STON2: variants seen among roughly 807,000 people sequenced by gnomAD.
STON2 encodes stonin 2.
A neutral mutation model predicts 65.7 loss-of-function variants in STON2; 29 were observed. The observed-to-expected ratio is 0.44, with a 90% confidence interval of 0.33 to 0.60. The LOEUF (loss-of-function observed/expected upper bound fraction) is 0.60. STON2 is among the 20% of genes least tolerant of loss of function. The pLI, the probability that STON2 is intolerant of heterozygous loss-of-function variation, is 0.03. For synonymous variants in STON2, 404 were observed against 414.2 expected (o/e 0.98, Z 0.30); for missense variants, 1,054 against 1,118.1 (o/e 0.94, Z 0.82).
At chr14:81,302,384 T>C (rs908715831) in intron 5 of STON2, among the ~76,000 whole-genome samples, 1 of 152,222 alleles carries the variant, frequency 6.6e-6, no homozygotes, top group Non-Finnish European at 1.5e-5. Flanking sequence ...AAGTCTCACT[T>C]GGATCCAAGA....
rs908775524 is a variant in STON2 at position 81,347,729 on chromosome 14, C to A, written c.571+23259G>T. Among the ~76,000 whole-genome samples, 4 of 126,836 alleles carry A rather than the reference C, an allele frequency of 3.2e-5. No individual in the cohort carries two copies. The Admixed American group carries it at 3.2e-4, about 10-fold the overall frequency. 83.2% of individuals were successfully genotyped at this position (126,836 alleles called of 152,430 possible). A position where few individuals can be genotyped will look rare whatever the true frequency, so the allele number is the denominator to read the frequency against. Reference sequence around the variant, plus strand: ...ATCCAAAAACACTAAAAATGTGAGACCCCCTCCCCCTTCTCTATAAAATAT... The same window carrying A: ...ATCCAAAAACACTAAAAATGTGAGAACCCCTCCCCCTTCTCTATAAAATAT... On this transcript the variant is annotated intron_variant, in intron 4 of 7. Transcript: ENST00000614646.
chr14:81,278,071 C>A lies in STON2; in HGVS notation c.1411G>T (p.Ala471Ser). The A allele has an allele frequency of 6.2e-7, 1 of 1,614,170 alleles. No individual in the cohort carries two copies. The highest frequency in any genetic ancestry group is 1.1e-5 in the South Asian group (1 of 91,076). ...DDPVAWIELD[A>S]HPPGSARSQP... is the part of the protein sequence containing the mutation. ...GACCGTGCTGATCCAGGCGGGTGAGCATCTAGTTCAATCCAGGCTACTGGG... is the reference window on the plus strand; with the variant it reads ...GACCGTGCTGATCCAGGCGGGTGAGAATCTAGTTCAATCCAGGCTACTGGG... Residue 471 changes from alanine (A) to serine (S), a missense_variant, in exon 6 of 8, where the codon GCT becomes TCT. Transcript: ENST00000614646.
intron 7 of STON2, chr14:81,269,603 G>A: frequency 1.0e-6 from 1 of 985,246 alleles, no homozygotes; most frequent in Non-Finnish European, 1.2e-6. Flanking sequence ...TTTTTTCCTA[G>A]CCACAAGATG....
At chr14:81,364,802 A>G (rs1898647087) in intron 4 of STON2, among the ~76,000 whole-genome samples, 1 of 152,144 alleles carries the variant, frequency 6.6e-6, no homozygotes, top group South Asian at 2.1e-4. Context: ...ACTTTGGAAA[A>G]TGCTGGACTC....
At chr14:81,304,216 C>T (rs1896081905) in intron 5 of STON2, among the ~76,000 whole-genome samples, 1 of 152,156 alleles carries the variant, frequency 6.6e-6, no homozygotes, top group African/African-American at 2.4e-5. Flanking sequence ...CCCCCACACA[C>T]CTATTATGGA....
intron 4 of STON2, among the ~76,000 whole-genome samples, chr14:81,336,975 C>A (rs900795267): frequency 6.6e-6 from 1 of 152,122 alleles, no homozygotes; most frequent in Non-Finnish European, 1.5e-5. Flanking sequence ...GGGGAAGTTG[C>A]AGAACTTTCC....
intron 2 of STON2, among the ~76,000 whole-genome samples, chr14:81,423,723 G>A (rs774536970): frequency 3.9e-5 from 6 of 152,196 alleles, no homozygotes; most frequent in Non-Finnish European, 1.5e-5. Flanking sequence ...TCATGGGGCA[G>A]CTGCACAGGG....
At chr14:81,302,304 C>G (rs548792949) in intron 5 of STON2, among the ~76,000 whole-genome samples, 3 of 152,302 alleles carry the variant, frequency 2.0e-5, no homozygotes, top group African/African-American at 7.2e-5. Flanking sequence ...CTAAGAGAGA[C>G]AGTCTAATAA....
intron 5 of STON2, among the ~76,000 whole-genome samples, chr14:81,319,201 G>A (rs1395469217): frequency 2.0e-5 from 3 of 152,168 alleles, no homozygotes; most frequent in African/African-American, 7.2e-5. Flanking sequence ...TTGTAAAGCA[G>A]CATTATTGTA....
intron 3 of STON2, among the ~76,000 whole-genome samples, chr14:81,392,380 A>G (rs894264244): frequency 6.6e-6 from 1 of 152,134 alleles, no homozygotes; most frequent in African/African-American, 2.4e-5. Context: ...CCTCGCTGAG[A>G]GTCCCTGTTT....
intron 3 of STON2, among the ~76,000 whole-genome samples, chr14:81,371,415 G>T (rs1390453796): frequency 1.3e-5 from 2 of 152,104 alleles, no homozygotes; most frequent in Non-Finnish European, 2.9e-5. Context: ...TAAGGTCCTG[G>T]CTGGGTGCGG....
chr14:81,265,721 T>C lies in STON2; in HGVS notation c.*2693A>G, dbSNP rs1179821559. The C allele has an allele frequency of 1.4e-5, 12 of 885,106 alleles. No homozygotes were observed. In the Admixed American group the frequency reaches 1.9e-4, roughly 14 times the overall value. The allele number at this position is 885,106 out of a possible 1,614,324, so 54.8% of individuals were successfully genotyped here. On this transcript the variant is annotated 3_prime_UTR_variant, in exon 8 of 8. Transcript: ENST00000614646. ...ATAATAATAATTTGTTTGCAGAATA[T>C]AGATAGCATAGAAGGGATTTTTCCC...
At chr14:81,411,719 A>C (rs573094639) in intron 2 of STON2, among the ~76,000 whole-genome samples, 3 of 152,372 alleles carry the variant, frequency 2.0e-5, no homozygotes, top group Admixed American at 6.5e-5. Flanking sequence ...TCCGCCTAAA[A>C]AATAAATAAG....
chr14:81,346,340 G>A (rs889416298), intron 4 of STON2, among the ~76,000 whole-genome samples: 2 of 151,970 alleles, frequency 1.3e-5, no homozygotes, highest in African/African-American at 4.8e-5. Flanking sequence ...ATGAGAAGAC[G>A]GACTACAGGT....
Position 81,261,545 on chromosome 14 carries a change from A to G in STON2, c.*6869T>C. On this transcript the variant is annotated 3_prime_UTR_variant, in exon 8 of 8. Transcript: ENST00000614646. ...TGTTACTAAGAGACAACGAGGATAC[A>G]GAGGGGACTGTCCCTTTTCTCTCAT... 2.7e-6 allele frequency: 1 copy of G among 369,744 alleles called. No individual in the cohort carries two copies. Among genetic ancestry groups the G allele is most frequent in the Admixed American group, 4.5e-5 (1 of 22,098 alleles). The allele number at this position is 369,744 out of a possible 1,614,324, so 22.9% of individuals were successfully genotyped here. A position where few individuals can be genotyped will look rare whatever the true frequency, so the allele number is the denominator to read the frequency against.
chr14:81,410,063 T>C (rs1467622503), intron 2 of STON2, among the ~76,000 whole-genome samples: 1 of 152,104 alleles, frequency 6.6e-6, no homozygotes, highest in African/African-American at 2.4e-5. Flanking sequence ...ATTTTCTCTT[T>C]TTTCCCAACT....
intron 5 of STON2, among the ~76,000 whole-genome samples, chr14:81,309,305 TA>T (rs563399871): frequency 2.0e-5 from 3 of 151,796 alleles, no homozygotes; most frequent in African/African-American, 4.8e-5. Context: ...TCTGAACTAT[TA>T]AAAAAAAGAT....
At chr14:81,349,698 C>A (rs778725218) in intron 4 of STON2, among the ~76,000 whole-genome samples, 4 of 152,072 alleles carry the variant, frequency 2.6e-5, no homozygotes, top group Non-Finnish European at 5.9e-5. Context: ...AATAAAACTA[C>A]TATATGATCC....
rs79288971 is a variant in STON2 at position 81,332,927 on chromosome 14, G to A, written c.572-8740C>T. ...TTGCAACACCTTTACCCCTTCAGCT[G>A]TGATCCAATCTCCACAGCTCACTGC... On this transcript the variant is annotated intron_variant, in intron 4 of 7. Coordinates refer to ENST00000614646, the MANE Select transcript of STON2 (RefSeq NM_001394390.1). 340 of 324,610 alleles carry A rather than the reference G, an allele frequency of 1.0e-3. 1 individual carries two copies. The highest frequency in any genetic ancestry group is 6.9e-3 in the African/African-American group (322 of 46,836). 20.1% of individuals were successfully genotyped at this position (324,610 alleles called of 1,614,324 possible).
Sources: allele counts gnomAD v4.1 joint callset (sites outside exome capture counted in the v4.1 genomes callset), GRCh38; gene constraint gnomAD v4.1.1; transcripts MANE v1.5; gene names NCBI Gene and HGNC (gene_info 2026-07-23, HGNC 2026-07-21).